DNAH14: variants seen among roughly 807,000 people sequenced by gnomAD.
DNAH14 encodes dynein axonemal heavy chain 14.
Under a neutral mutation model 520.9 loss-of-function variants are expected in DNAH14, and 478 were observed. That is an observed-to-expected ratio of 0.92 (90% CI 0.85 to 0.99). The LOEUF (loss-of-function observed/expected upper bound fraction) is 0.99, where lower values mean the gene tolerates loss of function less well. Ranked by LOEUF, DNAH14 falls within the 50% of genes least tolerant of loss-of-function variation. DNAH14 has a pLI of 0.00. For missense variants in DNAH14, 4,831 were observed against 5,234.5 expected (o/e 0.92, Z 2.38); for synonymous variants, 1,581 against 1,757.2 (o/e 0.90, Z 2.51).
rs148039966 is a variant in DNAH14 at position 225,058,494 on chromosome 1, T to C, written c.2424+6699T>C. ...TTCAAAAAACCAGCTCCTGGATTCA[T>C]TGATTTTTTGAAGGGTGTTTTGTGT... On this transcript the variant is annotated intron_variant, in intron 17 of 85. Coordinates refer to ENST00000682510, the MANE Select transcript of DNAH14 (RefSeq NM_001367479.1). Among the ~76,000 whole-genome samples, 720 of 152,330 alleles carry C rather than the reference T, an allele frequency of 4.7e-3. 4 individuals are homozygous for C. The highest frequency in any genetic ancestry group is 0.016 in the African/African-American group (676 of 41,562).
At chr1:225,182,206 A>C (rs1276925543) in intron 36 of DNAH14, among the ~76,000 whole-genome samples, 1 of 152,200 alleles carries the variant, frequency 6.6e-6, no homozygotes, top group African/African-American at 2.4e-5. Context: ...TCATAAAATA[A>C]AATAAAAAGG....
intron 17 of DNAH14, among the ~76,000 whole-genome samples, chr1:225,077,931 G>GAC (rs1385251788): frequency 6.6e-6 from 1 of 151,924 alleles, no homozygotes. Flanking sequence ...TATCAAATTA[G>GAC]ACACACACAT....
At chr1:225,337,727 T>A (rs995569655) in intron 67 of DNAH14, among the ~76,000 whole-genome samples, 1 of 152,226 alleles carries the variant, frequency 6.6e-6, no homozygotes, top group Non-Finnish European at 1.5e-5. Context: ...ATTTAAATTT[T>A]AATTTTTGTG....
At chr1:225,126,506 T>C (rs959870727) in intron 27 of DNAH14, among the ~76,000 whole-genome samples, 2 of 152,226 alleles carry the variant, frequency 1.3e-5, no homozygotes, top group African/African-American at 2.4e-5. Context: ...GAGCTGTTTG[T>C]AGTATTCTCT....
intron 11 of DNAH14, among the ~76,000 whole-genome samples, chr1:225,029,381 AT>A (rs1355360214): frequency 6.6e-6 from 1 of 152,024 alleles, no homozygotes; most frequent in Non-Finnish European, 1.5e-5. Context: ...GATTGTCAAA[AT>A]TCATTAGAAC....
chr1:225,360,558 C>A, intron 74 of DNAH14, 123 bp from the exon 75 acceptor site: 1 of 934,616 alleles, frequency 1.1e-6, no homozygotes, highest in South Asian at 1.8e-5. Context: ...ATTTCAAAAC[C>A]TGTAGTCTTT....
In DNAH14 at chr1:225,164,644, A is replaced by G. The variant is rs567104377; in HGVS notation, c.5446-3295A>G. ...TATATTTATTCTCTTTTAGCTGAAG[A>G]CTGACATTCATGCCTCTTTTAGCTG... On this transcript the variant is annotated intron_variant, in intron 35 of 85. Transcript: ENST00000682510. 2.8e-4 allele frequency among the ~76,000 whole-genome samples: 43 copies of G among 152,260 alleles called. No homozygotes were observed. The South Asian group carries it at 4.1e-3, about 15-fold the overall frequency.
chr1:225,396,447 C>CT (rs1490127501), intron 84 of DNAH14: 4 of 152,180 alleles, frequency 2.6e-5, no homozygotes, highest in African/African-American at 4.8e-5. Flanking sequence ...GGTCAGGAAA[C>CT]TAAGGTTCAA....
At chr1:225,054,536 AT>A (rs1352790545) in intron 17 of DNAH14, among the ~76,000 whole-genome samples, 11 of 152,092 alleles carry the variant, frequency 7.2e-5, no homozygotes, top group African/African-American at 2.7e-4. Context: ...TTTCCTCTAT[AT>A]CCTTATTTAT....
chr1:225,168,536 C>A (rs368024628), intron 36 of DNAH14, among the ~76,000 whole-genome samples: 1 of 152,204 alleles, frequency 6.6e-6, no homozygotes, highest in Non-Finnish European at 1.5e-5. Context: ...CCTATACCCA[C>A]GGAGCCTCAC....
At position 225,360,745 on chromosome 1, in the gene DNAH14, G is replaced by A. The variant is rs1017570877; in HGVS notation, c.11841G>A (p.Val3947=). ...AQELKGTTHH[V]TIISLGRDQA... is the part of the protein sequence containing the mutation. ...AGTTAAAAGGAACAACACATCATGT[G>A]ACCATAATTTCTCTGGGCCGTGACC... Residue 3947 remains valine (V), a synonymous_variant, in exon 75 of 86, where the codon GTG becomes GTA. Coordinates refer to ENST00000682510, the MANE Select transcript of DNAH14 (RefSeq NM_001367479.1). 3 of 1,551,546 alleles carry A rather than the reference G, an allele frequency of 1.9e-6. No individual in the cohort carries two copies. In the African/African-American group the frequency reaches 4.1e-5, roughly 21 times the overall value.
At chr1:225,106,818 G>T (rs961350089) in intron 23 of DNAH14, among the ~76,000 whole-genome samples, 4 of 151,974 alleles carry the variant, frequency 2.6e-5, no homozygotes, top group South Asian at 2.1e-4. Context: ...CTTTGCCATT[G>T]GTTCTACCTT....
intron 22 of DNAH14, 108 bp from the exon 23 acceptor site, chr1:225,100,605 T>G (rs1427207761): frequency 1.1e-6 from 1 of 907,106 alleles, no homozygotes; most frequent in African/African-American, 1.7e-5. Context: ...AAATTTAACA[T>G]CAAATGTTTT....
At chr1:225,088,411 T>G (rs568441733) in intron 21 of DNAH14, among the ~76,000 whole-genome samples, 1 of 152,032 alleles carries the variant, frequency 6.6e-6, no homozygotes, top group Admixed American at 6.6e-5. Context: ...TAACACAGAT[T>G]AAACAGGGCA....
chr1:225,192,239 T>A (rs1475262560), intron 37 of DNAH14, among the ~76,000 whole-genome samples: 1 of 152,126 alleles, frequency 6.6e-6, no homozygotes, highest in East Asian at 1.9e-4. Context: ...AAGAAGTGCC[T>A]GCCAATTTTT....
At chr1:225,065,405 A>G (rs550257628) in intron 17 of DNAH14, among the ~76,000 whole-genome samples, 2 of 151,726 alleles carry the variant, frequency 1.3e-5, no homozygotes, top group African/African-American at 4.8e-5. Context: ...GTACACTATT[A>G]TTAAATATAT....
chr1:225,078,843 CCTCTCTCTCTCTCTCCCT>C (rs2072699511), intron 17 of DNAH14, among the ~76,000 whole-genome samples: 9 of 52,126 alleles, frequency 1.7e-4, no homozygotes, highest in Admixed American at 1.3e-3. Flanking sequence ...TCTCTCTCTC[CCTCTCTCTCTCTCTCCCT>C]CTCTCTCTCT....
intron 27 of DNAH14, among the ~76,000 whole-genome samples, chr1:225,133,204 G>A (rs1286288326): frequency 6.6e-6 from 1 of 151,912 alleles, no homozygotes; most frequent in African/African-American, 2.4e-5. Flanking sequence ...TTCTTTTGCT[G>A]TGCTGTGCAG....
rs543282563 is a variant in DNAH14 at position 224,985,830 on chromosome 1, G to A, written c.830+11677G>A. Among the ~76,000 whole-genome samples, 7 of 151,906 alleles carry A rather than the reference G, an allele frequency of 4.6e-5. No homozygotes were observed. The South Asian group carries it at 1.5e-3, about 32-fold the overall frequency. ...AGCAGAAGAAAGAATTGGTGAGCTT[G>A]AAGACAGGCTATTTGAAAATACACA... is the stretch of plus-strand genomic sequence containing the variant. On this transcript the variant is annotated intron_variant, in intron 8 of 85. Transcript: ENST00000682510.
Sources: gnomAD v4.1 joint callset for allele counts (sites outside exome capture counted in the v4.1 genomes callset) on GRCh38, gnomAD v4.1.1 for gene constraint, MANE v1.5 for transcripts, NCBI Gene and HGNC (gene_info 2026-07-23, HGNC 2026-07-21) for gene names.